BEND6: variants seen among roughly 807,000 people sequenced by gnomAD.
The protein encoded by BEND6 is BEN domain containing 6.
In BEND6, 24 loss-of-function variants were observed where a neutral mutation model predicts 31.8. That is an observed-to-expected ratio of 0.75 (90% CI 0.55 to 1.06). The LOEUF (loss-of-function observed/expected upper bound fraction) is 1.06. Among genes scored for constraint, BEND6 ranks in the 50% least tolerant of loss-of-function variants. The pLI is 0.00. For missense variants in BEND6, 294 were observed against 327.4 expected (o/e 0.90, Z 0.79); for synonymous variants, 109 against 114.6 (o/e 0.95, Z 0.31).
intron 3 of BEND6, chr6:57,009,951 A>G (rs1162359272): frequency 6.6e-6 from 1 of 151,360 alleles, no homozygotes; most frequent in African/African-American, 2.4e-5. Flanking sequence ...AACAGTTGAT[A>G]AGAGGAACTT....
chr6:57,015,901 C>T (rs1181172352), intron 4 of BEND6, among the ~76,000 whole-genome samples: 1 of 151,602 alleles, frequency 6.6e-6, no homozygotes, highest in African/African-American at 2.4e-5. Flanking sequence ...AGAAGAAGGT[C>T]TTCTCTGAGG....
intron 6 of BEND6, among the ~76,000 whole-genome samples, chr6:57,021,121 G>C (rs1827729195): frequency 6.6e-6 from 1 of 152,148 alleles, no homozygotes; most frequent in Non-Finnish European, 1.5e-5. Context: ...TTTTGAATCA[G>C]TAATGGAGAT....
chr6:56,987,169 G>A (rs1237381919), intron 2 of BEND6, among the ~76,000 whole-genome samples: 1 of 151,790 alleles, frequency 6.6e-6, no homozygotes, highest in Admixed American at 6.6e-5. Context: ...TAGTAGAGAC[G>A]AGGTTTCACC....
At chr6:56,992,310 G>A in intron 2 of BEND6, 68 bp from the exon 3 acceptor site, 1 of 1,482,878 alleles carries the variant, frequency 6.7e-7, no homozygotes, top group Non-Finnish European at 9.0e-7. Flanking sequence ...AACATGCAAT[G>A]GTTAACCAGA....
intron 3 of BEND6, among the ~76,000 whole-genome samples, chr6:56,997,756 A>T (rs1444790254): frequency 6.6e-6 from 1 of 152,120 alleles, no homozygotes; most frequent in Non-Finnish European, 1.5e-5. Context: ...GGTTTCACGC[A>T]TTAGCCAGGA....
chr6:57,019,352 A>G (rs79588847), intron 6 of BEND6, among the ~76,000 whole-genome samples: 4,122 of 152,180 alleles, frequency 0.027, 168 homozygotes, highest in African/African-American at 0.092. Context: ...CATGTGTATG[A>G]CGTGTTAAAA....
At position 56,981,800 on chromosome 6, in the gene BEND6, TA is replaced by T. The variant is rs1270407966; in HGVS notation, c.-9del. 2 of 1,611,430 alleles carry T rather than the reference TA, an allele frequency of 1.2e-6. No homozygotes were observed. The highest frequency in any genetic ancestry group is 2.7e-5 in the African/African-American group (2 of 74,804). ...AGGATTTCAGAAAACCTTTGATAAC[TA>T]ATTGAGAAAATGCAGAAGATCGTGC... On this transcript the variant is annotated 5_prime_UTR_variant, in exon 2 of 7. Transcript: ENST00000370746.
intron 4 of BEND6, 67 bp downstream of exon 4, chr6:57,015,420 G>A (rs1462613617): frequency 3.0e-6 from 4 of 1,338,318 alleles, no homozygotes; most frequent in African/African-American, 1.5e-5. Context: ...AATAAGGGTG[G>A]AAAATGATCA....
chr6:56,982,302 A>G (rs1248013365), intron 2 of BEND6, among the ~76,000 whole-genome samples: 1 of 152,204 alleles, frequency 6.6e-6, no homozygotes, highest in Non-Finnish European at 1.5e-5. Context: ...ACTTTCCTTA[A>G]TAGTCTGAGA....
At chr6:57,014,603 C>A (rs1827464930) in intron 3 of BEND6, 1 of 1,115,684 alleles carries the variant, frequency 9.0e-7, no homozygotes, top group Non-Finnish European at 1.2e-6. Context: ...TATCACAACA[C>A]AGGTTTGAAT....
intron 3 of BEND6, among the ~76,000 whole-genome samples, chr6:56,996,110 G>T (rs1007434869): frequency 6.6e-6 from 1 of 151,876 alleles, no homozygotes; most frequent in Non-Finnish European, 1.5e-5. Context: ...TTTTCTATCT[G>T]CATTCATTCT....
At chr6:56,963,859 G>T (rs767905766) in intron 1 of BEND6, among the ~76,000 whole-genome samples, 4 of 146,776 alleles carry the variant, frequency 2.7e-5, no homozygotes, top group Non-Finnish European at 6.0e-5. Context: ...AATACTAGTA[G>T]TGGTATAATA....
chr6:57,025,148 T>A (rs942921411), intron 6 of BEND6, among the ~76,000 whole-genome samples: 1 of 152,228 alleles, frequency 6.6e-6, no homozygotes, highest in African/African-American at 2.4e-5. Context: ...ATAGTTTCCC[T>A]AAAACTGCTA....
intron 3 of BEND6, chr6:57,014,523 TG>T: frequency 4.6e-6 from 7 of 1,517,338 alleles, no homozygotes; most frequent in South Asian, 3.9e-5. Flanking sequence ...AAACTTTGAA[TG>T]TGTAAGTTTC....
intron 1 of BEND6, among the ~76,000 whole-genome samples, chr6:56,970,444 G>A (rs1019770392): frequency 7.2e-5 from 11 of 152,102 alleles, no homozygotes; most frequent in South Asian, 6.2e-4. Flanking sequence ...CAAAGTGCTA[G>A]GATTACAGGC....
intron 3 of BEND6, among the ~76,000 whole-genome samples, chr6:56,994,354 A>C (rs1270905642): frequency 7.0e-6 from 1 of 142,894 alleles, no homozygotes; most frequent in Non-Finnish European, 1.5e-5. Flanking sequence ...AGCTACTGGA[A>C]GGCTGAGGCA....
Position 56,992,377 on chromosome 6 carries a change from G to C in BEND6, c.121-1G>C. On this transcript the variant is annotated splice_acceptor_variant, in intron 2 of 6. Coordinates refer to ENST00000370746, the MANE Select transcript of BEND6 (RefSeq NM_152731.3). LOFTEE classifies it high-confidence loss of function. Reference sequence around the variant, plus strand: ...TTTATTGTGCCTGCCTTCTATTTTAGAGAGACCCATATTCGGGAAATGCCT... The same window carrying C: ...TTTATTGTGCCTGCCTTCTATTTTACAGAGACCCATATTCGGGAAATGCCT... 1 of 1,601,798 alleles carries C rather than the reference G, an allele frequency of 6.2e-7. No homozygotes were observed. The highest frequency in any genetic ancestry group is 8.5e-7 in the Non-Finnish European group (1 of 1,176,982).
chr6:56,972,751 A>G (rs564046057), intron 1 of BEND6, among the ~76,000 whole-genome samples: 2 of 152,246 alleles, frequency 1.3e-5, no homozygotes, highest in Admixed American at 6.5e-5. Context: ...GGCCGCCATA[A>G]CAAATACCAT....
intron 1 of BEND6, among the ~76,000 whole-genome samples, chr6:56,958,141 C>T (rs941755760): frequency 2.2e-4 from 33 of 152,262 alleles, no homozygotes; most frequent in African/African-American, 6.0e-4. Context: ...ATCCATAAGG[C>T]GTTCAGCATG....
Sources: allele counts gnomAD v4.1 joint callset (sites outside exome capture counted in the v4.1 genomes callset), GRCh38; gene constraint gnomAD v4.1.1; transcripts MANE v1.5; gene names NCBI Gene and HGNC (gene_info 2026-07-23, HGNC 2026-07-21).